Variants in GULP1 observed in about 807,000 individuals in gnomAD.
The protein encoded by GULP1 is GULP PTB domain containing engulfment adaptor 1.
In GULP1, 19 loss-of-function variants were observed where a neutral mutation model predicts 40.9. The ratio of observed to expected loss-of-function variants is 0.46; its 90% CI spans 0.32 to 0.68. The LOEUF is 0.68. GULP1 is among the 30% of genes least tolerant of loss of function. The pLI is 0.03. For missense variants in GULP1, 312 were observed against 362.2 expected (o/e 0.86, Z 1.12); for synonymous variants, 119 against 117.6 (o/e 1.01, Z -0.08).
At chr2:188,577,337 T>C (rs992608353) in intron 9 of GULP1, among the ~76,000 whole-genome samples, 4 of 152,126 alleles carry the variant, frequency 2.6e-5, no homozygotes, top group African/African-American at 9.6e-5. Flanking sequence ...TAGTGTTTTT[T>C]CTGCTACTAT....
chr2:188,310,759 A>G (rs1043923302), intron 1 of GULP1, among the ~76,000 whole-genome samples: 5 of 152,176 alleles, frequency 3.3e-5, no homozygotes, highest in Non-Finnish European at 7.3e-5. Context: ...GAGGAGAATC[A>G]GAAAATGAGA....
In GULP1 at chr2:188,490,723, C is replaced by T. The variant is rs1263318692; in HGVS notation, c.90+7231C>T. On this transcript the variant is annotated intron_variant, in intron 4 of 11. Transcript: ENST00000409830. ...TTCACCTTCAGAGCATCTAGTGATA[C>T]ATAGGACATTTTCTGAAAGTTGAAC... 2.0e-5 allele frequency among the ~76,000 whole-genome samples: 3 copies of T among 152,068 alleles called. No individual in the cohort carries two copies. In the East Asian group the frequency reaches 5.8e-4, roughly 29 times the overall value.
intron 6 of GULP1, among the ~76,000 whole-genome samples, chr2:188,531,678 T>C (rs1470743582): frequency 6.6e-6 from 1 of 152,148 alleles, no homozygotes; most frequent in Non-Finnish European, 1.5e-5. Flanking sequence ...ATGGGATATA[T>C]GTAGTTTGCT....
chr2:188,299,855 A>G (rs748543960), intron 1 of GULP1, among the ~76,000 whole-genome samples: 12 of 152,296 alleles, frequency 7.9e-5, no homozygotes, highest in Non-Finnish European at 1.0e-4. Flanking sequence ...AGGCATTGAA[A>G]AGGGACAGTG....
intron 1 of GULP1, among the ~76,000 whole-genome samples, chr2:188,382,067 T>C (rs1224350547): frequency 6.6e-6 from 1 of 152,210 alleles, no homozygotes; most frequent in Non-Finnish European, 1.5e-5. Context: ...TTAAAATTGT[T>C]GCTTTTTGTA....
At chr2:188,329,178 C>T (rs1457194707) in intron 1 of GULP1, among the ~76,000 whole-genome samples, 1 of 151,712 alleles carries the variant, frequency 6.6e-6, no homozygotes, top group African/African-American at 2.4e-5. Flanking sequence ...TCTTCTCTTC[C>T]TCTTCTTCCT....
intron 1 of GULP1, among the ~76,000 whole-genome samples, chr2:188,360,940 T>C (rs1055015667): frequency 6.6e-6 from 1 of 152,128 alleles, no homozygotes; most frequent in Non-Finnish European, 1.5e-5. Context: ...AACGTAATCA[T>C]GAAATATAGT....
At chr2:188,405,027 G>A (rs557116316) in intron 2 of GULP1, among the ~76,000 whole-genome samples, 51 of 152,214 alleles carry the variant, frequency 3.4e-4, no homozygotes, top group Middle Eastern at 3.4e-3. Context: ...CAGGGTCTGG[G>A]ACTGTTCCAG....
chr2:188,418,132 A>G (rs907809135), intron 2 of GULP1, among the ~76,000 whole-genome samples: 4 of 152,138 alleles, frequency 2.6e-5, no homozygotes, highest in African/African-American at 9.7e-5. Flanking sequence ...TTTAAAAAAA[A>G]TTAAATTGAG....
At chr2:188,344,638 G>A (rs1034572731) in intron 1 of GULP1, among the ~76,000 whole-genome samples, 1 of 152,154 alleles carries the variant, frequency 6.6e-6, no homozygotes, top group Non-Finnish European at 1.5e-5. Context: ...TTCCAGAATT[G>A]ATTTCAGAAC....
At chr2:188,369,477 A>G (rs1559159589) in intron 1 of GULP1, among the ~76,000 whole-genome samples, 1 of 152,078 alleles carries the variant, frequency 6.6e-6, no homozygotes, top group Non-Finnish European at 1.5e-5. Context: ...AGTCTTTAAG[A>G]GAACCCGGGG....
At chr2:188,420,063 T>C (rs777380154) in intron 2 of GULP1, among the ~76,000 whole-genome samples, 19 of 152,312 alleles carry the variant, frequency 1.2e-4, no homozygotes, top group Non-Finnish European at 1.9e-4. Context: ...ATATCTGTCT[T>C]TGCTCTGGCT....
chr2:188,352,061 T>C (rs2152298077), intron 1 of GULP1, among the ~76,000 whole-genome samples: 1 of 152,272 alleles, frequency 6.6e-6, no homozygotes, highest in African/African-American at 2.4e-5. Flanking sequence ...CACTTTTCAC[T>C]TTCAGATGTG....
At chr2:188,299,106 A>G (rs1242848051) in intron 1 of GULP1, among the ~76,000 whole-genome samples, 2 of 151,756 alleles carry the variant, frequency 1.3e-5, no homozygotes, top group African/African-American at 4.8e-5. Context: ...TGGCGGGGTG[A>G]GAAGCTTTGG....
chr2:188,415,853 G>T (rs183536501), intron 2 of GULP1, among the ~76,000 whole-genome samples: 3 of 152,096 alleles, frequency 2.0e-5, no homozygotes, highest in Non-Finnish European at 2.9e-5. Context: ...GATTGAGTCC[G>T]ATCATTCCCA....
intron 7 of GULP1, among the ~76,000 whole-genome samples, chr2:188,549,410 G>A (rs74994147): frequency 0.021 from 3,197 of 151,766 alleles, 104 homozygotes; most frequent in African/African-American, 0.073. Flanking sequence ...GTCAAACATT[G>A]GTGTCCATTA....
At chr2:188,326,415 T>A (rs2040775182) in intron 1 of GULP1, among the ~76,000 whole-genome samples, 1 of 152,152 alleles carries the variant, frequency 6.6e-6, no homozygotes, top group South Asian at 2.1e-4. Flanking sequence ...TAAAATAGTT[T>A]GCCTTTTAGA....
At position 188,319,137 on chromosome 2, in the gene GULP1, C is replaced by T. The variant is rs188072183; in HGVS notation, c.-172+26971C>T. Among the ~76,000 whole-genome samples, 3 of 152,212 alleles carry T rather than the reference C, an allele frequency of 2.0e-5. No homozygotes were observed. In the East Asian group the frequency reaches 5.8e-4, roughly 29 times the overall value. On this transcript the variant is annotated intron_variant, in intron 1 of 11. Transcript: ENST00000409830. ...ACTGTTGAACAATTTCTATATTATA[C>T]AAAGCAAGATATTTGCATTAAATGT...
intron 4 of GULP1, among the ~76,000 whole-genome samples, chr2:188,493,721 G>A (rs2062630650): frequency 6.6e-6 from 1 of 152,064 alleles, no homozygotes; most frequent in South Asian, 2.1e-4. Context: ...GGTTTCCGGT[G>A]ACACTAACTC....
Sources: allele counts gnomAD v4.1 joint callset (sites outside exome capture counted in the v4.1 genomes callset), GRCh38; gene constraint gnomAD v4.1.1; transcripts MANE v1.5; gene names NCBI Gene and HGNC (gene_info 2026-07-23, HGNC 2026-07-21).